Variants in PDE4D observed in about 807,000 individuals in gnomAD.
PDE4D encodes phosphodiesterase 4D, also known as 3',5'-cyclic-AMP phosphodiesterase 4D.
A neutral mutation model predicts 87.4 loss-of-function variants in PDE4D; 24 were observed. That is an observed-to-expected ratio of 0.27 (90% CI 0.20 to 0.39). The LOEUF (loss-of-function observed/expected upper bound fraction) is 0.39. PDE4D is among the 10% of genes least tolerant of loss of function. PDE4D has a pLI of 1.00. For missense variants in PDE4D, 714 were observed against 1,041.0 expected (o/e 0.69, Z 4.32); for synonymous variants, 384 against 383.2 (o/e 1.00, Z -0.02).
In PDE4D at chr5:59,354,773, C is replaced by T. The variant is rs529728397; in HGVS notation, c.456-138805G>A. On this transcript the variant is annotated intron_variant, in intron 1 of 14. Transcript: ENST00000340635. ...GTTGGCTATGCCAATAAAACATTATCGGGTGATGCCAAATAAGAAAGGGTA... is the reference window on the plus strand; with the variant it reads ...GTTGGCTATGCCAATAAAACATTATTGGGTGATGCCAAATAAGAAAGGGTA... Among the ~76,000 whole-genome samples the T allele has an allele frequency of 5.9e-5, 9 of 152,196 alleles. No individual in the cohort carries two copies. In the South Asian group the frequency reaches 6.2e-4, roughly 11 times the overall value.
chr5:59,325,228 T>TA (rs1383370184), intron 1 of PDE4D, among the ~76,000 whole-genome samples: 1 of 152,112 alleles, frequency 6.6e-6, no homozygotes, highest in Non-Finnish European at 1.5e-5. Context: ...CTCAGGAACT[T>TA]AAAAGGGGGA....
At position 59,768,675 on chromosome 5, in the gene PDE4D, C is replaced by T. The variant is rs897720031; in HGVS notation, c.455+124493G>A. The T allele has an allele frequency of 1.8e-5, 27 of 1,472,064 alleles. No individual in the cohort carries two copies. In the African/African-American group the frequency reaches 2.8e-4, roughly 15 times the overall value. The allele number at this position is 1,472,064 out of a possible 1,614,324, so 91.2% of individuals were successfully genotyped here. A position where few individuals can be genotyped will look rare whatever the true frequency, so the allele number is the denominator to read the frequency against. On this transcript the variant is annotated intron_variant, in intron 1 of 14. Transcript: ENST00000340635. Reference sequence around the variant, plus strand: ...AGCCTGGGGCTGGGTGCAGAGGAGGCGAGCGCACTCCTCCGCGGAAGCGTA... The same window carrying T: ...AGCCTGGGGCTGGGTGCAGAGGAGGTGAGCGCACTCCTCCGCGGAAGCGTA...
At chr5:59,809,034 G>A (rs1053153405) in intron 1 of PDE4D, among the ~76,000 whole-genome samples, 6 of 152,064 alleles carry the variant, frequency 3.9e-5, no homozygotes, top group Middle Eastern at 3.2e-3. Context: ...GTGACATATC[G>A]AGTCACTACC....
intron 1 of PDE4D, among the ~76,000 whole-genome samples, chr5:60,252,295 C>A (rs576642833): frequency 4.0e-5 from 6 of 151,070 alleles, no homozygotes; most frequent in African/African-American, 1.2e-4. Context: ...ACTTTTTAAA[C>A]AAAGAAATAT....
intron 2 of PDE4D, among the ~76,000 whole-genome samples, chr5:60,181,078 A>G (rs1277682396): frequency 6.6e-6 from 1 of 152,122 alleles, no homozygotes; most frequent in Non-Finnish European, 1.5e-5. Context: ...ATGAATGCAG[A>G]TAGCTCTGAA....
chr5:60,412,439 G>A (rs375809938), intron 1 of PDE4D, among the ~76,000 whole-genome samples: 1 of 152,170 alleles, frequency 6.6e-6, no homozygotes, highest in South Asian at 2.1e-4. Context: ...AAATAATTTA[G>A]TGTAGTATTC....
intron 1 of PDE4D, among the ~76,000 whole-genome samples, chr5:60,395,020 C>T (rs760446062): frequency 6.6e-6 from 1 of 152,180 alleles, no homozygotes; most frequent in African/African-American, 2.4e-5. Flanking sequence ...TATACTAATA[C>T]TCCTAAAGTG....
rs115776083 is a variant in PDE4D at position 60,244,535 on chromosome 5, C to T, written c.-89-58848G>A. Among the ~76,000 whole-genome samples the T allele has an allele frequency of 6.3e-3, 965 of 152,042 alleles. 6 individuals carry two copies. Among genetic ancestry groups the T allele is most frequent in the Non-Finnish European group, 0.01 (691 of 67,900 alleles). On this transcript the variant is annotated intron_variant, in intron 1 of 16. Transcript: ENST00000502484. ...AACAAAACTGGAGGAATCACATTAC[C>T]TGACTTCCAAATTATACTATAGAGC...
At chr5:60,157,067 C>T (rs1437596540) in intron 2 of PDE4D, among the ~76,000 whole-genome samples, 2 of 151,918 alleles carry the variant, frequency 1.3e-5, no homozygotes, top group Non-Finnish European at 2.9e-5. Flanking sequence ...TTAAAGACAC[C>T]ATATTCACAA....
At chr5:59,593,636 C>A (rs1826222391) in intron 1 of PDE4D, among the ~76,000 whole-genome samples, 1 of 152,198 alleles carries the variant, frequency 6.6e-6, no homozygotes, top group South Asian at 2.1e-4. Flanking sequence ...GGGCAAACTG[C>A]TGCCCAAACC....
intron 3 of PDE4D, among the ~76,000 whole-genome samples, chr5:59,899,510 AAT>A (rs752528687): frequency 5.9e-4 from 89 of 150,974 alleles, no homozygotes; most frequent in Middle Eastern, 3.4e-3. Context: ...TTAAGTGGTA[AAT>A]ATATATATAT....
At chr5:59,452,072 T>C (rs1188741213) in intron 1 of PDE4D, among the ~76,000 whole-genome samples, 1 of 150,900 alleles carries the variant, frequency 6.6e-6, no homozygotes, top group African/African-American at 2.4e-5. Context: ...TTTGTGATTC[T>C]TTTTTTTAGT....
intron 1 of PDE4D, among the ~76,000 whole-genome samples, chr5:60,369,011 G>A (rs1381844564): frequency 2.0e-5 from 3 of 151,952 alleles, no homozygotes; most frequent in Non-Finnish European, 4.4e-5. Context: ...CCATAACCCA[G>A]CCATGGTGCT....
In PDE4D at chr5:60,076,332, G is replaced by A. The variant is rs190668991; in HGVS notation, c.43-87615C>T. Reference sequence around the variant, plus strand: ...CACTGCCATGCCCGGCTAGTTTTCTGTATTTTTAGTAGAGATGGGGTTTCA... The same window carrying A: ...CACTGCCATGCCCGGCTAGTTTTCTATATTTTTAGTAGAGATGGGGTTTCA... On this transcript the variant is annotated intron_variant, in intron 2 of 16. Coordinates refer to the PDE4D transcript ENST00000502484. Among the ~76,000 whole-genome samples, 47 of 152,170 alleles carry A rather than the reference G, an allele frequency of 3.1e-4. No individual in the cohort carries two copies. The East Asian group carries it at 6.8e-3, about 22-fold the overall frequency.
At chr5:59,346,396 C>A (rs188143792) in intron 1 of PDE4D, among the ~76,000 whole-genome samples, 1 of 152,156 alleles carries the variant, frequency 6.6e-6, no homozygotes, top group East Asian at 1.9e-4. Context: ...AGAATCCTTT[C>A]CATTTTAACC....
intron 1 of PDE4D, among the ~76,000 whole-genome samples, chr5:59,615,986 T>C (rs1283451919): frequency 1.3e-5 from 2 of 152,054 alleles, no homozygotes; most frequent in Non-Finnish European, 2.9e-5. Flanking sequence ...TTTTCAATTA[T>C]ACTTTAAGTT....
chr5:59,123,207 TA>T (rs1485596559), intron 5 of PDE4D, among the ~76,000 whole-genome samples: 1 of 152,194 alleles, frequency 6.6e-6, no homozygotes, highest in Admixed American at 6.5e-5. Flanking sequence ...TGTGCTTGTT[TA>T]TTTAGCCCTG....
At chr5:60,260,118 T>C (rs1749493677) in intron 1 of PDE4D, among the ~76,000 whole-genome samples, 1 of 151,858 alleles carries the variant, frequency 6.6e-6, no homozygotes, top group African/African-American at 2.4e-5. Flanking sequence ...CCCCATCCCC[T>C]CCCAACCACC....
At chr5:59,882,676 A>G (rs1203265372) in intron 1 of PDE4D, among the ~76,000 whole-genome samples, 2 of 152,112 alleles carry the variant, frequency 1.3e-5, no homozygotes, top group East Asian at 1.9e-4. Context: ...GGTGCATTCA[A>G]CTGGAAGTGG....
Sources: allele counts gnomAD v4.1 joint callset (sites outside exome capture counted in the v4.1 genomes callset), GRCh38; gene constraint gnomAD v4.1.1; transcripts MANE v1.5; gene names NCBI Gene and HGNC (gene_info 2026-07-23, HGNC 2026-07-21).